The following LYPD2 variants were observed in gnomAD, a reference collection of about 807,000 sequenced individuals.
LYPD2 encodes the protein LY6/PLAUR domain containing 2, also known as ly6/PLAUR domain-containing protein 2.
Under a neutral mutation model 7.1 loss-of-function variants are expected in LYPD2, and 5 were observed. That is an observed-to-expected ratio of 0.70 (90% CI 0.37 to 1.48). The LOEUF is 1.48. Among genes scored for constraint, LYPD2 ranks in the 40% most tolerant of loss-of-function variants. The pLI is 0.03. For missense variants in LYPD2, 177 were observed against 171.0 expected (o/e 1.04, Z -0.20); for synonymous variants, 78 against 82.0 (o/e 0.95, Z 0.26).
intron 1 of LYPD2, 119 bp downstream of exon 1, chr8:142,752,275 C>T (rs1814726604): frequency 1.7e-6 from 2 of 1,172,922 alleles, no homozygotes; most frequent in African/African-American, 3.1e-5. Context: ...CCCGGCCCCA[C>T]AGCTCTGGCT....
At chr8:142,752,005 C>T (rs1034139380) in intron 1 of LYPD2, among the ~76,000 whole-genome samples, 1 of 151,840 alleles carries the variant, frequency 6.6e-6, no homozygotes, top group Non-Finnish European at 1.5e-5. Context: ...TGTCTGGTTT[C>T]CCCACTCCTC....
Position 142,750,469 on chromosome 8 carries a change from C to T in LYPD2, c.192G>A (p.Gln64=). ...AGGACTTGGTCACCGTGGAGTCCCC[C>T]TGGAAGGGGTACACTGTGGGGTGTG... ...LYSREIVYPF[Q]GDSTVTKSCA... The change falls in exon 3 of 3, where the codon CAG becomes CAA. Residue 64 remains glutamine (Q), a synonymous_variant. Transcript: ENST00000359228. The T allele has an allele frequency of 6.3e-7, 1 of 1,584,274 alleles. No homozygotes were observed. Among genetic ancestry groups the T allele is most frequent in the South Asian group, 1.2e-5 (1 of 86,506 alleles).
intron 1 of LYPD2, 85 bp from the exon 2 acceptor site, chr8:142,751,255 G>A: frequency 1.3e-6 from 2 of 1,559,636 alleles, no homozygotes; most frequent in Non-Finnish European, 1.7e-6. Context: ...CAGGTCTGAA[G>A]AGGACAGTGA....
chr8:142,750,606 G>A, intron 2 of LYPD2, 124 bp from the exon 3 acceptor site: 1 of 896,204 alleles, frequency 1.1e-6, no homozygotes, highest in Non-Finnish European at 1.7e-6. Flanking sequence ...GTCCCTCCTG[G>A]CCCAGTGCCC....
chr8:142,752,258 C>A, intron 1 of LYPD2, 136 bp downstream of exon 1: 3 of 884,768 alleles, frequency 3.4e-6, no homozygotes, highest in Admixed American at 2.8e-5. Context: ...GGCGGGGGGG[C>A]CACACCCCCG....
chr8:142,751,047 T>C lies in LYPD2; in HGVS notation c.178+4A>G, dbSNP rs770978423. The C allele has an allele frequency of 1.2e-5, 19 of 1,614,102 alleles. No homozygotes were observed. Among genetic ancestry groups the C allele is most frequent in the Non-Finnish European group, 1.5e-5 (18 of 1,179,984 alleles). On this transcript the variant is annotated splice_donor_region_variant and intron_variant, in intron 2 of 2. Transcript: ENST00000359228. ...GGCCCTGCCCGCCTTCTGTGCCCAC[T>C]GACCTATCTCCCGGGAGTAGAGTGT...
In LYPD2 at chr8:142,750,275, C is replaced by A; in HGVS notation, c.*8G>T. 2.9e-6 allele frequency: 4 copies of A among 1,378,818 alleles called. No homozygotes were observed. Among genetic ancestry groups the A allele is most frequent in the Non-Finnish European group, 3.9e-6 (4 of 1,024,384 alleles). 85.4% of individuals were successfully genotyped at this position (1,378,818 alleles called of 1,614,324 possible). A position where few individuals can be genotyped will look rare whatever the true frequency, so the allele number is the denominator to read the frequency against. On this transcript the variant is annotated 3_prime_UTR_variant, in exon 3 of 3. Transcript: ENST00000359228. ...GGCCGCATAGGGCCATGGGGGTGGG[C>A]GGGGACTCTACAGTCGGAGGCTCAA...
chr8:142,750,588 G>A (rs1281248344), intron 2 of LYPD2, 106 bp from the exon 3 acceptor site: 7 of 1,115,866 alleles, frequency 6.3e-6, no homozygotes, highest in South Asian at 1.5e-5. Context: ...TCACCCACCC[G>A]GGTCTCCGTC....
chr8:142,752,361 C>A lies in LYPD2; in HGVS notation c.58+33G>T, dbSNP rs376556425. The A allele has an allele frequency of 9.9e-6, 16 of 1,612,624 alleles. No individual in the cohort carries two copies. The South Asian group carries it at 1.6e-4, about 17-fold the overall frequency. On this transcript the variant is annotated intron_variant, in intron 1 of 2. Coordinates refer to ENST00000359228, the MANE Select transcript of LYPD2 (RefSeq NM_205545.3). ...AATGTCAGTGGGTGGCATCTCCCTCCGTCCCAGCTCCCCTGTGGGTCCCAC... is the reference window on the plus strand; with the variant it reads ...AATGTCAGTGGGTGGCATCTCCCTCAGTCCCAGCTCCCCTGTGGGTCCCAC...
intron 2 of LYPD2, among the ~76,000 whole-genome samples, chr8:142,750,755 C>G (rs1004325864): frequency 6.6e-6 from 1 of 152,246 alleles, no homozygotes; most frequent in Non-Finnish European, 1.5e-5. Flanking sequence ...CCAGTCCCCC[C>G]AAAACGAGGT....
chr8:142,750,973 C>T, intron 2 of LYPD2, 78 bp downstream of exon 2: 1 of 1,597,702 alleles, frequency 6.3e-7, no homozygotes, highest in Non-Finnish European at 8.5e-7. Flanking sequence ...TGCCCTATCT[C>T]CTGGGAGTAG....
At chr8:142,751,728 G>A (rs1317251647) in intron 1 of LYPD2, among the ~76,000 whole-genome samples, 4 of 152,098 alleles carry the variant, frequency 2.6e-5, no homozygotes, top group Non-Finnish European at 4.4e-5. Context: ...TCCTGCTCCG[G>A]TGACCCCGGC....
Position 142,750,266 on chromosome 8 carries a change from G to A in LYPD2, c.*17C>T. 4 of 1,549,096 alleles carry A rather than the reference G, an allele frequency of 2.6e-6. No homozygotes were observed. Among genetic ancestry groups the A allele is most frequent in the Non-Finnish European group, 3.5e-6 (4 of 1,146,250 alleles). On this transcript the variant is annotated 3_prime_UTR_variant, in exon 3 of 3. Coordinates refer to ENST00000359228, the MANE Select transcript of LYPD2 (RefSeq NM_205545.3). ...TCGGGGCTGGGCCGCATAGGGCCATGGGGGTGGGCGGGGACTCTACAGTCG... is the reference window on the plus strand; with the variant it reads ...TCGGGGCTGGGCCGCATAGGGCCATAGGGGTGGGCGGGGACTCTACAGTCG...
intron 1 of LYPD2, 67 bp downstream of exon 1, chr8:142,752,327 A>G (rs1316886950): frequency 1.3e-6 from 2 of 1,591,800 alleles, no homozygotes; most frequent in Non-Finnish European, 8.6e-7. Flanking sequence ...CCCTCCCGGG[A>G]ACAGTGTGAA....
intron 2 of LYPD2, 81 bp from the exon 3 acceptor site, chr8:142,750,563 G>A: frequency 7.1e-7 from 1 of 1,401,852 alleles, no homozygotes; most frequent in South Asian, 1.3e-5. Context: ...ACCTCATGCA[G>A]GCCCCACTCT....
In LYPD2 at chr8:142,750,331, G is replaced by C. The variant is rs1344956827; in HGVS notation, c.330C>G (p.Leu110=). The C allele has an allele frequency of 6.4e-7, 1 of 1,555,956 alleles. No individual in the cohort carries two copies. Among genetic ancestry groups the C allele is most frequent in the Admixed American group, 1.9e-5 (1 of 51,624 alleles). Reference sequence around the variant, plus strand: ...GGAGGAGCGTGAGGGCCCCGCAGTGGAGGCTGTTCAGAGCGGGCGCCCCGT... The same window carrying C: ...GGAGGAGCGTGAGGGCCCCGCAGTGCAGGCTGTTCAGAGCGGGCGCCCCGT... The part of the protein sequence containing the change: ...NVDGAPALNS[L]HCGALTLLPL... Residue 110 remains leucine (L), a synonymous_variant, in exon 3 of 3, where the codon CTC becomes CTG. Transcript: ENST00000359228.
chr8:142,752,388 C>A lies in LYPD2; in HGVS notation c.58+6G>T. ...TCCCAGCTCCCCTGTGGGTCCCACA[C>A]CTCACCCAGCTCTCCGCAGGCAGCC... On this transcript the variant is annotated splice_donor_region_variant and intron_variant, in intron 1 of 2. Transcript: ENST00000359228. 1 of 1,613,486 alleles carries A rather than the reference C, an allele frequency of 6.2e-7. No individual in the cohort carries two copies. Among genetic ancestry groups the A allele is most frequent in the Non-Finnish European group, 8.5e-7 (1 of 1,179,734 alleles).
chr8:142,751,789 A>G (rs1351895760), intron 1 of LYPD2, among the ~76,000 whole-genome samples: 2 of 152,146 alleles, frequency 1.3e-5, no homozygotes, highest in African/African-American at 2.4e-5. Flanking sequence ...TGGCCAGGGC[A>G]GCCAGCTGCA....
intron 1 of LYPD2, among the ~76,000 whole-genome samples, chr8:142,751,637 G>A (rs759400233): frequency 3.9e-5 from 6 of 152,312 alleles, no homozygotes; most frequent in Admixed American, 1.3e-4. Context: ...GGCTGCATCC[G>A]GGCTGTGTCT....
Sources: allele counts gnomAD v4.1 joint callset (sites outside exome capture counted in the v4.1 genomes callset), GRCh38; gene constraint gnomAD v4.1.1; transcripts MANE v1.5; gene names NCBI Gene and HGNC (gene_info 2026-07-23, HGNC 2026-07-21).